AFF1: variants seen among roughly 807,000 people sequenced by gnomAD.
AFF1 encodes the protein ALF transcription elongation factor 1.
A neutral mutation model predicts 121.7 loss-of-function variants in AFF1; 48 were observed. That is an observed-to-expected ratio of 0.39 (90% confidence interval 0.31 to 0.50). AFF1 has a LOEUF of 0.50. AFF1 is among the 20% of genes least tolerant of loss of function. The pLI, the probability that AFF1 is intolerant of heterozygous loss-of-function variation, is 0.76. For missense variants in AFF1, 1,523 were observed against 1,511.7 expected (o/e 1.01, Z -0.12); for synonymous variants, 613 against 563.0 (o/e 1.09, Z -1.26).
chr4:86,972,473 TATCTC>T (rs1723015702), intron 2 of AFF1, among the ~76,000 whole-genome samples: 1 of 152,130 alleles, frequency 6.6e-6, no homozygotes, highest in South Asian at 2.1e-4. Flanking sequence ...AAATGTGAAA[TATCTC>T]AACAACTTTA....
intron 2 of AFF1, among the ~76,000 whole-genome samples, chr4:87,028,897 T>A (rs939982576): frequency 1.8e-4 from 28 of 152,342 alleles, no homozygotes; most frequent in South Asian, 1.2e-3. Flanking sequence ...GCAGGCGGAT[T>A]GTCCCCAAAG....
intron 2 of AFF1, among the ~76,000 whole-genome samples, chr4:86,971,412 A>C (rs533172988): frequency 6.6e-6 from 1 of 152,368 alleles, no homozygotes; most frequent in South Asian, 2.1e-4. Flanking sequence ...ATTCTGAGTC[A>C]GTATGAGTTA....
chr4:87,043,862 C>T (rs756612503), intron 2 of AFF1, among the ~76,000 whole-genome samples: 8 of 151,796 alleles, frequency 5.3e-5, no homozygotes, highest in South Asian at 2.1e-4. Flanking sequence ...GCTGTTGCCC[C>T]GGCTGGAGTA....
intron 4 of AFF1, among the ~76,000 whole-genome samples, chr4:87,048,503 G>A (rs746507477): frequency 3.1e-4 from 47 of 152,174 alleles, no homozygotes; most frequent in Non-Finnish European, 6.3e-4. Flanking sequence ...ATCTTTTAAT[G>A]TAAAGTCTAT....
intron 2 of AFF1, among the ~76,000 whole-genome samples, chr4:87,010,598 AAC>A (rs1726638177): frequency 6.6e-6 from 1 of 152,230 alleles, no homozygotes; most frequent in South Asian, 2.1e-4. Context: ...TAGTAAACCT[AAC>A]AGTTTATAGA....
intron 4 of AFF1, among the ~76,000 whole-genome samples, chr4:87,069,757 A>G (rs114999342): frequency 0.015 from 2,304 of 152,070 alleles, 67 homozygotes; most frequent in African/African-American, 0.053. Context: ...ATTCTTGGCA[A>G]TATATTTGAA....
chr4:87,105,727 A>G (rs769085230), intron 9 of AFF1, 45 bp downstream of exon 9: 12 of 1,613,836 alleles, frequency 7.4e-6, no homozygotes, highest in South Asian at 6.6e-5. Flanking sequence ...TTTTAAATAC[A>G]TCTAACAGAT....
At chr4:87,045,514 G>A (rs1039015271) in intron 2 of AFF1, among the ~76,000 whole-genome samples, 1 of 151,664 alleles carries the variant, frequency 6.6e-6, no homozygotes. Flanking sequence ...TTTTAAGTAG[G>A]GCAGTCAGAT....
rs1219682039 is a variant in AFF1 at position 87,108,322 on chromosome 4, T to G, written c.1533+7T>G. 1.2e-6 allele frequency: 2 copies of G among 1,611,808 alleles called. No homozygotes were observed. Among genetic ancestry groups the G allele is most frequent in the Non-Finnish European group, 1.7e-6 (2 of 1,179,680 alleles). On this transcript the variant is annotated splice_region_variant and intron_variant, in intron 11 of 20. Coordinates refer to ENST00000395146, the MANE Select transcript of AFF1 (RefSeq NM_001166693.3). ...AGAAACCCCAGCTCCGGAGGTACCG[T>G]GTTCCCCCTCGAGATGGCCACCTTA...
intron 7 of AFF1, among the ~76,000 whole-genome samples, chr4:87,094,110 T>G (rs1724588321): frequency 6.6e-6 from 1 of 152,182 alleles, no homozygotes; most frequent in Non-Finnish European, 1.5e-5. Context: ...ACCTCAGCCC[T>G]GCCCTTTCCA....
In AFF1 at chr4:86,968,866, G is replaced by A. The variant is rs537873256; in HGVS notation, c.38+20295G>A. Among the ~76,000 whole-genome samples, 3 of 152,336 alleles carry A rather than the reference G, an allele frequency of 2.0e-5. No individual in the cohort carries two copies. The South Asian group carries it at 6.2e-4, about 32-fold the overall frequency. Reference sequence around the variant, plus strand: ...AGCCCATGTGGGGGGTTGGTGCTGGGTTGGGATAATTCATCTTTCATAAGG... The same window carrying A: ...AGCCCATGTGGGGGGTTGGTGCTGGATTGGGATAATTCATCTTTCATAAGG... On this transcript the variant is annotated intron_variant, in intron 2 of 20. Coordinates refer to ENST00000395146, the MANE Select transcript of AFF1 (RefSeq NM_001166693.3).
chr4:87,082,943 C>T (rs923983587), intron 4 of AFF1, among the ~76,000 whole-genome samples: 2 of 152,088 alleles, frequency 1.3e-5, no homozygotes, highest in African/African-American at 2.4e-5. Context: ...TCTCTAGCTG[C>T]GAGGTAGGTA....
At chr4:86,977,259 G>C (rs1482915629) in intron 2 of AFF1, among the ~76,000 whole-genome samples, 3 of 152,162 alleles carry the variant, frequency 2.0e-5, no homozygotes, top group Non-Finnish European at 4.4e-5. Context: ...TTACAGGTGA[G>C]TAGTATCTGT....
intron 2 of AFF1, among the ~76,000 whole-genome samples, chr4:87,023,886 T>C (rs1560549275): frequency 6.6e-6 from 1 of 152,212 alleles, no homozygotes; most frequent in Non-Finnish European, 1.5e-5. Context: ...AAGGGATCTT[T>C]AAGATTACTT....
At chr4:87,007,123 C>G in intron 2 of AFF1, 1 of 1,269,014 alleles carries the variant, frequency 7.9e-7, no homozygotes, top group African/African-American at 1.6e-5. Flanking sequence ...CTCGCTTGCC[C>G]CGGATTCGGA....
intron 2 of AFF1, among the ~76,000 whole-genome samples, chr4:87,013,547 C>T (rs1230712860): frequency 6.6e-6 from 1 of 152,036 alleles, no homozygotes; most frequent in East Asian, 1.9e-4. Flanking sequence ...CTAAAAAGTA[C>T]CAAGAATTGT....
chr4:86,997,986 T>C (rs1326461003), intron 2 of AFF1, among the ~76,000 whole-genome samples: 1 of 149,962 alleles, frequency 6.7e-6, no homozygotes, highest in Non-Finnish European at 1.5e-5. Context: ...TAATCACAGC[T>C]ACTTGGGAGG....
rs778774808 is a variant in AFF1 at position 86,986,040 on chromosome 4, C to CAATTCAATTTAATTT, written c.38+37473_38+37474insCAATTTAATTTAATT. Among the ~76,000 whole-genome samples, 617 of 135,586 alleles carry CAATTCAATTTAATTT rather than the reference C, an allele frequency of 4.6e-3. 2 individuals carry two copies. The highest frequency in any genetic ancestry group is 0.017 in the African/African-American group (587 of 33,862). The allele number at this position is 135,586 out of a possible 152,430, so 88.9% of individuals were successfully genotyped here. On this transcript the variant is annotated intron_variant, in intron 2 of 20. Coordinates refer to ENST00000395146, the MANE Select transcript of AFF1 (RefSeq NM_001166693.3). ...CCTTTTTTTAAAATTTAATTCAATT[C>CAATTCAATTTAATTT]AATTTAATTTAATTTAATTTAATTT...
intron 2 of AFF1, among the ~76,000 whole-genome samples, chr4:86,976,758 T>C (rs1037599597): frequency 3.9e-5 from 6 of 152,022 alleles, no homozygotes; most frequent in African/African-American, 1.4e-4. Flanking sequence ...GAACCTAAAG[T>C]AAAAGTTAAG....
Sources: allele counts gnomAD v4.1 joint callset (sites outside exome capture counted in the v4.1 genomes callset), GRCh38; gene constraint gnomAD v4.1.1; transcripts MANE v1.5; gene names NCBI Gene and HGNC (gene_info 2026-07-23, HGNC 2026-07-21).